The following PCDHGA1 variants were observed in gnomAD, a reference collection of about 807,000 sequenced individuals.
PCDHGA1 encodes protocadherin gamma-A1.
Under a neutral mutation model 58.0 loss-of-function variants are expected in PCDHGA1, and 32 were observed. The ratio of observed to expected loss-of-function variants is 0.55; its 90% CI spans 0.42 to 0.74. The LOEUF is 0.74. Among genes scored for constraint, PCDHGA1 ranks in the 30% least tolerant of loss-of-function variants. PCDHGA1 has a pLI of 0.00. For missense variants in PCDHGA1, 1,205 were observed against 1,182.3 expected (o/e 1.02, Z -0.28); for synonymous variants, 498 against 501.1 (o/e 0.99, Z 0.08).
intron 1 of PCDHGA1, chr5:141,403,682 C>T (rs1456832899): frequency 1.3e-5 from 21 of 1,613,810 alleles, no homozygotes; most frequent in Non-Finnish European, 1.1e-5. Flanking sequence ...GGTTTTTGCT[C>T]AACGGATTTA....
intron 1 of PCDHGA1, chr5:141,400,729 A>G: frequency 1.5e-6 from 1 of 649,042 alleles, no homozygotes. Flanking sequence ...TTTACAAAGT[A>G]GTGAGAGTTT....
Position 141,489,267 on chromosome 5 carries a change from C to G in PCDHGA1, c.2422-5540C>G. 6.4e-7 allele frequency: 1 copy of G among 1,553,302 alleles called. No homozygotes were observed. Among genetic ancestry groups the G allele is most frequent in the Non-Finnish European group, 8.7e-7 (1 of 1,149,864 alleles). The stretch of plus-strand genomic sequence containing the variant: ...TGGGGCCCAAGACACTCCCACAGCT[C>G]GCTGGGAAATGGCAAGTGCTGTGCA... On this transcript the variant is annotated intron_variant, in intron 1 of 3. Coordinates refer to ENST00000517417, the MANE Select transcript of PCDHGA1 (RefSeq NM_018912.3). The surrounding 1 kb of genome is among the most constrained non-coding windows in gnomAD (Gnocchi z 4.5).
intron 1 of PCDHGA1, chr5:141,419,377 C>T: frequency 6.2e-6 from 10 of 1,613,690 alleles, no homozygotes; most frequent in Admixed American, 3.3e-5. Flanking sequence ...CCTACGTGTC[C>T]GTGAGCGCGC....
rs757755103 is a variant in PCDHGA1 at position 141,432,638 on chromosome 5, C to T, written c.2422-62169C>T. 1.2e-6 allele frequency: 2 copies of T among 1,613,810 alleles called. No homozygotes were observed. Among genetic ancestry groups the T allele is most frequent in the Non-Finnish European group, 8.5e-7 (1 of 1,179,930 alleles). ...GGTGGGTCTGCACACGGGCGAGGTG[C>T]GCACGGCGCGAGCCCTGCTGGACAG... is the stretch of plus-strand genomic sequence containing the variant. On this transcript the variant is annotated intron_variant, in intron 1 of 3. Transcript: ENST00000517417. The surrounding 1 kb of genome is among the most constrained non-coding windows in gnomAD (Gnocchi z 6.0).
chr5:141,508,740 C>G (rs2099871405), intron 3 of PCDHGA1, among the ~76,000 whole-genome samples: 1 of 152,006 alleles, frequency 6.6e-6, no homozygotes. Flanking sequence ...CACCCCCCAC[C>G]CCGCTCTTTC....
In PCDHGA1 at chr5:141,427,233, G is replaced by A. The variant is rs147039909; in HGVS notation, c.2422-67574G>A. On this transcript the variant is annotated intron_variant, in intron 1 of 3. Transcript: ENST00000517417. Reference sequence around the variant, plus strand: ...ATTTCGTAGCAGTTATACCATGAGAGTAGAAGCTAAGGATGGTGGAGGCAT... The same window carrying A: ...ATTTCGTAGCAGTTATACCATGAGAATAGAAGCTAAGGATGGTGGAGGCAT... 180 of 456,756 alleles carry A rather than the reference G, an allele frequency of 3.9e-4. 1 individual carries two copies. The highest frequency in any genetic ancestry group is 3.5e-3 in the African/African-American group (176 of 50,196). The allele number at this position is 456,756 out of a possible 1,614,324, so 28.3% of individuals were successfully genotyped here.
intron 1 of PCDHGA1, among the ~76,000 whole-genome samples, chr5:141,456,940 G>A (rs1284610928): frequency 6.6e-6 from 1 of 152,138 alleles, no homozygotes; most frequent in Non-Finnish European, 1.5e-5. Context: ...TCCAGCCTGG[G>A]CAACAGAGCA....
intron 1 of PCDHGA1, among the ~76,000 whole-genome samples, chr5:141,468,041 T>C (rs972340736): frequency 4.6e-5 from 7 of 152,120 alleles, no homozygotes; most frequent in Admixed American, 3.9e-4. Flanking sequence ...TTTAGAAAAC[T>C]AAGCCGGGCA....
chr5:141,353,831 GTCTT>G (rs1759397437), intron 1 of PCDHGA1, among the ~76,000 whole-genome samples: 1 of 152,116 alleles, frequency 6.6e-6, no homozygotes, highest in Non-Finnish European at 1.5e-5. Context: ...AGTTTGTGCG[GTCTT>G]TGAGGATTGT....
chr5:141,414,253 G>A (rs768166537), intron 1 of PCDHGA1: 1 of 1,613,492 alleles, frequency 6.2e-7, no homozygotes, highest in Non-Finnish European at 8.5e-7. Flanking sequence ...ATTTAGTCCA[G>A]TGACTGAAGA....
chr5:141,349,242 A>AT (rs11302014), intron 1 of PCDHGA1, among the ~76,000 whole-genome samples: 1 of 151,700 alleles, frequency 6.6e-6, no homozygotes, highest in East Asian at 1.9e-4. Flanking sequence ...GATAATTTTT[A>AT]TTTTTTTTAG....
chr5:141,375,865 G>A (rs1588782771), intron 1 of PCDHGA1: 1 of 1,613,976 alleles, frequency 6.2e-7, no homozygotes, highest in Non-Finnish European at 8.5e-7. Context: ...TGGTGGCGGT[G>A]GACAGAGACT....
chr5:141,418,822 A>C (rs780172404), intron 1 of PCDHGA1: 9 of 1,613,988 alleles, frequency 5.6e-6, no homozygotes, highest in Non-Finnish European at 7.6e-6. Flanking sequence ...ACATAGAAGC[A>C]AAAGACCGAG....
chr5:141,362,447 C>G (rs769703158), intron 1 of PCDHGA1: 1 of 1,614,048 alleles, frequency 6.2e-7, no homozygotes, highest in Non-Finnish European at 8.5e-7. Flanking sequence ...CTGAACATAA[C>G]CCCGGAATTG....
chr5:141,377,445 A>T (rs1442230734), intron 1 of PCDHGA1: 1 of 152,050 alleles, frequency 6.6e-6, no homozygotes, highest in Admixed American at 6.6e-5. Flanking sequence ...AAAAGAAAAA[A>T]AAGTAGCCAG....
Position 141,332,905 on chromosome 5 carries a change from G to C in PCDHGA1, c.2221G>C (p.Val741Leu). The C allele has an allele frequency of 6.2e-7, 1 of 1,614,238 alleles. No individual in the cohort carries two copies. The highest frequency in any genetic ancestry group is 8.5e-7 in the Non-Finnish European group (1 of 1,180,036). ...GLASMPGSHF[V>L]GVDGVRAFLQ... is the part of the protein sequence containing the mutation. ...AGCGAGCATGCCCGGTTCGCACTTT[G>C]TGGGCGTGGACGGGGTTCGGGCTTT... Residue 741 changes from valine to leucine, a missense_variant, in exon 1 of 4, where the codon GTG (valine) becomes CTG (leucine). Transcript: ENST00000517417. The surrounding 1 kb of genome is among the most constrained non-coding windows in gnomAD (Gnocchi z 4.6).
intron 2 of PCDHGA1, among the ~76,000 whole-genome samples, chr5:141,500,184 T>TTTTTTTTATTTATTTA (rs1554186429): frequency 7.4e-6 from 1 of 135,886 alleles, no homozygotes; most frequent in African/African-American, 2.7e-5. Flanking sequence ...TCATTTTTAT[T>TTTTTTTTATTTATTTA]TTTATTTATT....
chr5:141,410,251 C>T, intron 1 of PCDHGA1: 1 of 1,614,016 alleles, frequency 6.2e-7, no homozygotes, highest in Non-Finnish European at 8.5e-7. Flanking sequence ...TACTCTCTGA[C>T]CCCCAGGCTG....
chr5:141,427,626 C>T, intron 1 of PCDHGA1: 1 of 699,934 alleles, frequency 1.4e-6, no homozygotes, highest in Non-Finnish European at 2.6e-6. Flanking sequence ...CGACAATGCT[C>T]CGGTTTTCCA....
Sources: allele counts gnomAD v4.1 joint callset (sites outside exome capture counted in the v4.1 genomes callset), GRCh38; gene constraint gnomAD v4.1.1; non-coding constraint Gnocchi (gnomAD v3.1); transcripts MANE v1.5; gene names NCBI Gene and HGNC (gene_info 2026-07-23, HGNC 2026-07-21).